UBL3: variants seen among roughly 807,000 people sequenced by gnomAD.
UBL3 encodes ubiquitin-like protein 3.
A neutral mutation model predicts 18.4 loss-of-function variants in UBL3; 6 were observed. The observed-to-expected ratio is 0.33, with a 90% CI of 0.18 to 0.64. The LOEUF (loss-of-function observed/expected upper bound fraction) is 0.64. Among genes scored for constraint, UBL3 ranks in the 30% least tolerant of loss-of-function variants. UBL3 has a pLI of 0.76. For missense variants in UBL3, 109 were observed against 142.9 expected, an observed-to-expected ratio of 0.76 and a Z score of 1.21; for synonymous variants, 49 against 46.6, an observed-to-expected ratio of 1.05 and a Z score of -0.21.
chr13:29,812,178 T>C (rs1878107281), intron 1 of UBL3, among the ~76,000 whole-genome samples: 1 of 152,066 alleles, frequency 6.6e-6, no homozygotes, highest in Admixed American at 6.6e-5. Context: ...AGTCTTACCA[T>C]TATTTATTCC....
At position 29,831,161 on chromosome 13, in the gene UBL3, T is replaced by A. The variant is rs563039290; in HGVS notation, c.27+18351A>T. On this transcript the variant is annotated intron_variant, in intron 1 of 4. Coordinates refer to ENST00000380680, the MANE Select transcript of UBL3 (RefSeq NM_007106.4). Reference sequence around the variant, plus strand: ...GACTCATCTAATCTCATATTGATATTTTTTCAACTGAATGCTCACAAAAAT... The same window carrying A: ...GACTCATCTAATCTCATATTGATATATTTTCAACTGAATGCTCACAAAAAT... 4.6e-5 allele frequency among the ~76,000 whole-genome samples: 7 copies of A among 152,320 alleles called. No individual in the cohort carries two copies. The East Asian group carries it at 1.2e-3, about 25-fold the overall frequency.
In UBL3 at chr13:29,831,316, G is replaced by A. The variant is rs146640165; in HGVS notation, c.27+18196C>T. Among the ~76,000 whole-genome samples the A allele has an allele frequency of 4.8e-3, 731 of 152,208 alleles. 2 individuals are homozygous for A. Among genetic ancestry groups the A allele is most frequent in the African/African-American group, 0.016 (684 of 41,518 alleles). On this transcript the variant is annotated intron_variant, in intron 1 of 4. Transcript: ENST00000380680. ...TTAAAAAAGATAATTCTTGCTGGGC[G>A]CGGTGGCTCACGCCTGTAATCCCAG...
At chr13:29,793,546 C>A (rs1300016631) in intron 1 of UBL3, among the ~76,000 whole-genome samples, 1 of 151,470 alleles carries the variant, frequency 6.6e-6, no homozygotes, top group Non-Finnish European at 1.5e-5. Context: ...TTTTAGTTTT[C>A]TTCTTATTAC....
chr13:29,837,898 C>G (rs1878997255), intron 1 of UBL3, among the ~76,000 whole-genome samples: 1 of 139,530 alleles, frequency 7.2e-6, no homozygotes, highest in African/African-American at 2.7e-5. Flanking sequence ...CCACTGCACA[C>G]CAGCAAGACT....
chr13:29,823,471 T>G (rs536519632), intron 1 of UBL3, among the ~76,000 whole-genome samples: 1 of 152,160 alleles, frequency 6.6e-6, no homozygotes, highest in South Asian at 2.1e-4. Context: ...TGTAGACAGA[T>G]AAAAATAAAT....
At chr13:29,782,848 A>C (rs1223157062) in intron 1 of UBL3, among the ~76,000 whole-genome samples, 6 of 152,216 alleles carry the variant, frequency 3.9e-5, no homozygotes, top group Non-Finnish European at 7.4e-5. Context: ...AAAGAAGCTT[A>C]TGTCCAAAAT....
intron 1 of UBL3, chr13:29,779,299 C>A: frequency 2.1e-6 from 1 of 470,726 alleles, no homozygotes; most frequent in Admixed American, 2.3e-5. Flanking sequence ...TACATATTAC[C>A]CTATGAACTT....
At chr13:29,800,509 T>C (rs1184710203) in intron 1 of UBL3, among the ~76,000 whole-genome samples, 2 of 151,956 alleles carry the variant, frequency 1.3e-5, no homozygotes, top group African/African-American at 4.8e-5. Flanking sequence ...TGTAAATAAT[T>C]CAAAAGAGGC....
chr13:29,821,362 G>A lies in UBL3; in HGVS notation c.27+28150C>T, dbSNP rs981380275. Among the ~76,000 whole-genome samples, 7 of 152,166 alleles carry A rather than the reference G, an allele frequency of 4.6e-5. No individual in the cohort carries two copies. In the East Asian group the frequency reaches 1.4e-3, roughly 29 times the overall value. Reference sequence around the variant, plus strand: ...ATAGCAAAGCTGTGTATACATACCAGGACTAAACTTAAATTTGTCTTTATT... The same window carrying A: ...ATAGCAAAGCTGTGTATACATACCAAGACTAAACTTAAATTTGTCTTTATT... On this transcript the variant is annotated intron_variant, in intron 1 of 4. Coordinates refer to ENST00000380680, the MANE Select transcript of UBL3 (RefSeq NM_007106.4).
At chr13:29,778,911 A>G (rs556890979) in intron 1 of UBL3, among the ~76,000 whole-genome samples, 1 of 152,354 alleles carries the variant, frequency 6.6e-6, no homozygotes, top group South Asian at 2.1e-4. Context: ...ATTTCAATTA[A>G]AAGTTTTTTA....
intron 1 of UBL3, among the ~76,000 whole-genome samples, chr13:29,795,283 G>T (rs1178065757): frequency 1.3e-5 from 2 of 151,936 alleles, no homozygotes; most frequent in African/African-American, 4.8e-5. Flanking sequence ...TTGTAACCTG[G>T]ATTATATTTT....
At chr13:29,838,175 G>A (rs1453951566) in intron 1 of UBL3, among the ~76,000 whole-genome samples, 4 of 152,076 alleles carry the variant, frequency 2.6e-5, no homozygotes, top group Non-Finnish European at 5.9e-5. Context: ...AACATAAACA[G>A]TGGCAGCCAG....
At chr13:29,830,846 A>C (rs1040465051) in intron 1 of UBL3, among the ~76,000 whole-genome samples, 1 of 152,238 alleles carries the variant, frequency 6.6e-6, no homozygotes, top group East Asian at 1.9e-4. Flanking sequence ...GTATGGAAGA[A>C]AACTACAAGA....
Position 29,829,271 on chromosome 13 carries a change from T to C in UBL3, c.27+20241A>G, listed in dbSNP as rs75546308. ...GTTTCTGCTGCCTTTTGTTCGGCTG[T>C]GCCCTGCCCCCAGAGGTAGAGTCTA... On this transcript the variant is annotated intron_variant, in intron 1 of 4. Transcript: ENST00000380680. Among the ~76,000 whole-genome samples the C allele has an allele frequency of 2.3e-3, 351 of 152,336 alleles. 3 individuals carry two copies. The highest frequency in any genetic ancestry group is 8.3e-3 in the African/African-American group (346 of 41,584).
intron 1 of UBL3, among the ~76,000 whole-genome samples, chr13:29,833,650 CCACT>C (rs1327864913): frequency 1.3e-5 from 2 of 152,112 alleles, no homozygotes; most frequent in Non-Finnish European, 2.9e-5. Context: ...TTCCCTGATC[CCACT>C]ATTTAAAACT....
chr13:29,806,277 T>C (rs528979479), intron 1 of UBL3, among the ~76,000 whole-genome samples: 2 of 152,196 alleles, frequency 1.3e-5, no homozygotes, highest in East Asian at 1.9e-4. Flanking sequence ...AACTGTGCTA[T>C]AGAGAAAAAA....
intron 1 of UBL3, among the ~76,000 whole-genome samples, chr13:29,818,031 A>G (rs1157290036): frequency 6.6e-6 from 1 of 152,190 alleles, no homozygotes; most frequent in African/African-American, 2.4e-5. Flanking sequence ...CACAAATTGC[A>G]TTTAGTCCCC....
At chr13:29,773,116 G>A (rs1233627400) in intron 2 of UBL3, among the ~76,000 whole-genome samples, 1 of 152,010 alleles carries the variant, frequency 6.6e-6, no homozygotes, top group Non-Finnish European at 1.5e-5. Context: ...AAGAGATAAT[G>A]GTTAACACAA....
chr13:29,840,792 T>A (rs1252199182), intron 1 of UBL3, among the ~76,000 whole-genome samples: 1 of 152,206 alleles, frequency 6.6e-6, no homozygotes, highest in East Asian at 1.9e-4. Flanking sequence ...ATATCCATTA[T>A]GTCATTGTTT....
Sources: gnomAD v4.1 joint callset for allele counts (sites outside exome capture counted in the v4.1 genomes callset) on GRCh38, gnomAD v4.1.1 for gene constraint, MANE v1.5 for transcripts, NCBI Gene and HGNC (gene_info 2026-07-23, HGNC 2026-07-21) for gene names.